The following HSF2BP variants were observed in gnomAD, a reference collection of about 807,000 sequenced individuals.
The protein encoded by HSF2BP is heat shock transcription factor 2 binding protein.
A neutral mutation model predicts 35.0 loss-of-function variants in HSF2BP; 35 were observed. The ratio of observed to expected loss-of-function variants is 1.00; its 90% CI spans 0.76 to 1.32. HSF2BP has a LOEUF of 1.32. Ranked by LOEUF, HSF2BP falls within the 40% of genes most tolerant of loss-of-function variation. The pLI is 0.00. For missense variants in HSF2BP, 326 were observed against 321.7 expected (o/e 1.01, Z -0.10); for synonymous variants, 114 against 117.4 (o/e 0.97, Z 0.18).
chr21:43,588,756 C>A (rs763906645), intron 8 of HSF2BP, among the ~76,000 whole-genome samples: 2 of 152,206 alleles, frequency 1.3e-5, no homozygotes, highest in Non-Finnish European at 2.9e-5. Flanking sequence ...CGCTTGCTCA[C>A]GGCCCGTAAC....
chr21:43,604,152 A>G (rs2082084787), intron 7 of HSF2BP, among the ~76,000 whole-genome samples: 1 of 151,946 alleles, frequency 6.6e-6, no homozygotes, highest in Non-Finnish European at 1.5e-5. Flanking sequence ...ATGACAGGCA[A>G]CAGGGCACAT....
At chr21:43,607,007 C>A (rs2082142963) in intron 7 of HSF2BP, among the ~76,000 whole-genome samples, 1 of 152,152 alleles carries the variant, frequency 6.6e-6, no homozygotes, top group African/African-American at 2.4e-5. Context: ...GAACTGGAGG[C>A]CAGGTGTGGT....
At chr21:43,506,215 C>G in the HSF2BP span, among the ~76,000 whole-genome samples, 2 of 118,290 alleles carry the variant, frequency 1.7e-5, 1 homozygote, top group African/African-American at 6.7e-5. Context: ...AGGGACCCAT[C>G]TGCGCAAATG....
At chr21:43,592,894 C>G (rs762151434) in intron 7 of HSF2BP, among the ~76,000 whole-genome samples, 5 of 152,260 alleles carry the variant, frequency 3.3e-5, no homozygotes, top group African/African-American at 1.2e-4. Context: ...TGAACCGTGG[C>G]TGGCAATGCA....
At chr21:43,652,795 T>A (rs2082807534) in intron 3 of HSF2BP, among the ~76,000 whole-genome samples, 1 of 152,144 alleles carries the variant, frequency 6.6e-6, no homozygotes, top group South Asian at 2.1e-4. Context: ...AACACCACGT[T>A]TCCTGGAGCA....
At chr21:43,588,148 C>A (rs1351588883) in intron 8 of HSF2BP, among the ~76,000 whole-genome samples, 1 of 152,128 alleles carries the variant, frequency 6.6e-6, no homozygotes, top group African/African-American at 2.4e-5. Flanking sequence ...GAGGCCGAGG[C>A]GGGTGGATCA....
chr21:43,595,216 C>A (rs569910652), intron 7 of HSF2BP, among the ~76,000 whole-genome samples: 27 of 152,014 alleles, frequency 1.8e-4, no homozygotes, highest in African/African-American at 4.8e-4. Flanking sequence ...GAAGCAAGAT[C>A]GCACCACTGC....
chr21:43,615,208 G>A (rs868354701), intron 6 of HSF2BP, among the ~76,000 whole-genome samples: 12 of 152,186 alleles, frequency 7.9e-5, no homozygotes, highest in African/African-American at 2.9e-4. Flanking sequence ...AGACCAAGGT[G>A]GAAAAGAGAT....
At chr21:43,600,528 G>T (rs532533869) in intron 7 of HSF2BP, among the ~76,000 whole-genome samples, 81 of 152,270 alleles carry the variant, frequency 5.3e-4, no homozygotes, top group Middle Eastern at 3.4e-3. Context: ...AATTATTCTT[G>T]ACAGAAACTT....
At chr21:43,629,469 G>A (rs1029207501) in intron 6 of HSF2BP, among the ~76,000 whole-genome samples, 1 of 152,234 alleles carries the variant, frequency 6.6e-6, no homozygotes, top group Non-Finnish European at 1.5e-5. Flanking sequence ...GGAGGCTGAG[G>A]CAGGAGAATC....
At chr21:43,635,826 G>T (rs1189299428) in intron 4 of HSF2BP, among the ~76,000 whole-genome samples, 1 of 151,484 alleles carries the variant, frequency 6.6e-6, no homozygotes, top group Non-Finnish European at 1.5e-5. Flanking sequence ...CTACTCGGGA[G>T]GCTGAGGCAG....
intron 3 of HSF2BP, among the ~76,000 whole-genome samples, chr21:43,652,836 C>G (rs371477073): frequency 9.2e-5 from 14 of 152,004 alleles, no homozygotes; most frequent in African/African-American, 3.4e-4. Context: ...GGACTGCAAA[C>G]TAGAAAGAAG....
intron 6 of HSF2BP, among the ~76,000 whole-genome samples, chr21:43,615,013 G>A (rs989800844): frequency 4.6e-5 from 7 of 152,196 alleles, no homozygotes; most frequent in Non-Finnish European, 7.3e-5. Flanking sequence ...AGACCAGACC[G>A]AGTAATTACA....
At chr21:43,592,190 G>A (rs777162499) in intron 8 of HSF2BP, 35 bp downstream of exon 8, 25 of 1,416,876 alleles carry the variant, frequency 1.8e-5, no homozygotes, top group Middle Eastern at 1.8e-4. Context: ...TGCATAACCC[G>A]TACAAGCAGC....
chr21:43,657,423 T>C (rs955211008), intron 2 of HSF2BP, among the ~76,000 whole-genome samples: 1 of 152,188 alleles, frequency 6.6e-6, no homozygotes, highest in African/African-American at 2.4e-5. Context: ...TTTTTATCAC[T>C]GCAGCACCAA....
At chr21:43,587,909 C>G (rs11910352) in intron 8 of HSF2BP, among the ~76,000 whole-genome samples, 6,797 of 152,150 alleles carry the variant, frequency 0.045, 512 homozygotes, top group African/African-American at 0.15. Context: ...CCGGAAACTT[C>G]CGGAGGACCA....
chr21:43,607,895 T>C (rs1352836051), intron 7 of HSF2BP, among the ~76,000 whole-genome samples: 1 of 152,238 alleles, frequency 6.6e-6, no homozygotes, highest in Non-Finnish European at 1.5e-5. Flanking sequence ...GCTAACCATA[T>C]GTAAACGAAT....
chr21:43,627,088 G>A (rs918946330), intron 6 of HSF2BP, among the ~76,000 whole-genome samples: 3 of 151,984 alleles, frequency 2.0e-5, no homozygotes, highest in South Asian at 4.1e-4. Flanking sequence ...GGCTGGTCTC[G>A]AATTCTTCCT....
chr21:43,659,282 C>T lies in HSF2BP; in HGVS notation c.-225+104G>A, dbSNP rs2082931001. The T allele has an allele frequency of 6.5e-6, 1 of 153,144 alleles. No individual in the cohort carries two copies. Among genetic ancestry groups the T allele is most frequent in the Admixed American group, 6.5e-5 (1 of 15,302 alleles). 9.5% of individuals were successfully genotyped at this position (153,144 alleles called of 1,614,324 possible). A position where few individuals can be genotyped will look rare whatever the true frequency, so the allele number is the denominator to read the frequency against. On this transcript the variant is annotated intron_variant, in intron 1 of 8. Transcript: ENST00000291560. The surrounding 1 kb of genome is among the most constrained non-coding windows in gnomAD (Gnocchi z 4.2). Reference sequence around the variant, plus strand: ...CAAGATCGCGCCACTGCATTCCAGCCTGGGCGACAGAGGGAGACCCTGTCT... The same window carrying T: ...CAAGATCGCGCCACTGCATTCCAGCTTGGGCGACAGAGGGAGACCCTGTCT...
Sources: allele counts gnomAD v4.1 joint callset (sites outside exome capture counted in the v4.1 genomes callset), GRCh38; gene constraint gnomAD v4.1.1; non-coding constraint Gnocchi (gnomAD v3.1); transcripts MANE v1.5; gene names NCBI Gene and HGNC (gene_info 2026-07-23, HGNC 2026-07-21).